The following NUTM1 variants were observed in gnomAD, a reference collection of about 807,000 sequenced individuals.
The protein encoded by NUTM1 is NUT family member 1.
Under a neutral mutation model 88.7 loss-of-function variants are expected in NUTM1, and 39 were observed. That is an observed-to-expected ratio of 0.44 (90% CI 0.34 to 0.57). The LOEUF is 0.57. Among genes scored for constraint, NUTM1 ranks in the 20% least tolerant of loss-of-function variants. The pLI is 0.01. For missense variants in NUTM1, 1,350 were observed against 1,414.5 expected, an observed-to-expected ratio of 0.95 and a Z score of 0.73; for synonymous variants, 494 against 538.0, an observed-to-expected ratio of 0.92 and a Z score of 1.13.
intron 1 of NUTM1, among the ~76,000 whole-genome samples, chr15:34,345,444 C>T (rs1213239985): frequency 6.6e-6 from 1 of 152,162 alleles, no homozygotes; most frequent in Non-Finnish European, 1.5e-5. Context: ...AATCGAGCAC[C>T]TTGGATCATC....
chr15:34,349,477 A>C (rs1022190266), intron 3 of NUTM1, among the ~76,000 whole-genome samples: 1 of 152,226 alleles, frequency 6.6e-6, no homozygotes, highest in African/African-American at 2.4e-5. Flanking sequence ...CAAAAGGTCA[A>C]AACGTCCTTG....
intron 3 of NUTM1, among the ~76,000 whole-genome samples, chr15:34,350,004 G>C (rs1401476400): frequency 6.6e-6 from 1 of 152,166 alleles, no homozygotes; most frequent in South Asian, 2.1e-4. Flanking sequence ...CTCCTAAAAT[G>C]CTCAGTTGTG....
intron 3 of NUTM1, among the ~76,000 whole-genome samples, chr15:34,349,021 C>G (rs187356362): frequency 8.5e-5 from 13 of 152,268 alleles, no homozygotes; most frequent in African/African-American, 2.9e-4. Flanking sequence ...GTCCTCCCCC[C>G]GTTCTATTTT....
At position 34,355,275 on chromosome 15, in the gene NUTM1, G is replaced by T; in HGVS notation, c.1479+138G>T. The T allele has an allele frequency of 1.3e-6, 1 of 748,874 alleles. No individual in the cohort carries two copies. The allele number at this position is 748,874 out of a possible 1,614,324, so 46.4% of individuals were successfully genotyped here. ...CAGGTGCAGAACGAGTAGGTAGAGG[G>T]CTATGGAAACACAGGAAATGAGAAT... On this transcript the variant is annotated intron_variant, in intron 7 of 7. Coordinates refer to ENST00000537011, the MANE Select transcript of NUTM1 (RefSeq NM_001284292.2). This position sits in a 1 kb window ranked among gnomAD's most constrained non-coding sequence, Gnocchi z 4.3.
Position 34,355,015 on chromosome 15 carries a change from A to G in NUTM1, c.1363-6A>G, listed in dbSNP as rs1353228970. ...GACTTACATCGCTTTTCCTTCTGTT[A>G]TCCAGGTGGAGGCTGTCATTCACCC... On this transcript the variant is annotated splice_region_variant and splice_polypyrimidine_tract_variant and intron_variant, in intron 6 of 7. Transcript: ENST00000537011. The surrounding 1 kb of genome is among the most constrained non-coding windows in gnomAD (Gnocchi z 4.3). 2 of 1,601,010 alleles carry G rather than the reference A, an allele frequency of 1.2e-6. No homozygotes were observed. Among genetic ancestry groups the G allele is most frequent in the Non-Finnish European group, 8.6e-7 (1 of 1,168,432 alleles).
rs760192719 is a variant in NUTM1, at chr15:34,356,348, A to T, written c.2340A>T (p.Val780=). The T allele has an allele frequency of 6.2e-7, 1 of 1,613,912 alleles. No homozygotes were observed. Among genetic ancestry groups the T allele is most frequent in the Non-Finnish European group, 8.5e-7 (1 of 1,179,950 alleles). ...AGAGCTTCCAAGTTGAGAAGTGTGT[A>T]ACTGAGTATCAGGAAGGCTGCCAGG... is the stretch of plus-strand genomic sequence containing the variant. ...VIESFQVEKC[V]TEYQEGCQGL... is the part of the protein sequence containing the mutation. The change falls in exon 8 of 8, where the codon GTA becomes GTT. Residue 780 remains valine (V), a synonymous_variant. Coordinates refer to ENST00000537011, the MANE Select transcript of NUTM1 (RefSeq NM_001284292.2).
chr15:34,356,092 G>A lies in NUTM1; in HGVS notation c.2084G>A (p.Arg695His), dbSNP rs150578599. The change falls in exon 8 of 8, where the codon CGT becomes CAT. Residue 695 changes from arginine to histidine, a missense_variant. Around this residue, in one of 5 missense-constraint regions of NUTM1, gnomAD observed 730 missense variants for 728.8 expected, o/e 1.00. Coordinates refer to ENST00000537011, the MANE Select transcript of NUTM1 (RefSeq NM_001284292.2). ...GLQKGQQTGG[R>H]GVLPQGKEPL... ...CAGAAAGGACAACAAACAGGGGGTC[G>A]TGGAGTGCTTCCTCAAGGGAAGGAG... 183 of 1,613,576 alleles carry A rather than the reference G, an allele frequency of 1.1e-4. No homozygotes were observed. The highest frequency in any genetic ancestry group is 1.5e-4 in the Non-Finnish European group (178 of 1,179,658).
chr15:34,352,666 C>T (rs1890730140), intron 4 of NUTM1, among the ~76,000 whole-genome samples: 3 of 145,782 alleles, frequency 2.1e-5, no homozygotes, highest in South Asian at 2.2e-4. Flanking sequence ...AAAAGCCAGG[C>T]GTGGTGGCAC....
chr15:34,356,490 A>C lies in NUTM1; in HGVS notation c.2482A>C (p.Arg828=). 2 of 1,613,954 alleles carry C rather than the reference A, an allele frequency of 1.2e-6. No homozygotes were observed. The highest frequency in any genetic ancestry group is 1.7e-6 in the Non-Finnish European group (2 of 1,179,934). ...GTVAAAALEK[R]NYCSLPGPLR... ...AGTTGCGGCAGCTGCCCTAGAAAAG[A>C]GAAACTATTGCAGCTTGCCAGGACC... Residue 828 remains arginine, a synonymous_variant, in exon 8 of 8, where the codon AGA becomes CGA. Transcript: ENST00000537011.
rs1233210119 is a variant in NUTM1, at chr15:34,343,512, C to T, written c.-185C>T. ...AAGAAAGAAGAGGTTTTCTTCCCTC[C>T]CCTCTTTTACATCCAGTTCCCCTGC... On this transcript the variant is annotated 5_prime_UTR_variant, in exon 1 of 8. Coordinates refer to ENST00000537011, the MANE Select transcript of NUTM1 (RefSeq NM_001284292.2). 1.5e-6 allele frequency: 2 copies of T among 1,366,092 alleles called. No homozygotes were observed. The highest frequency in any genetic ancestry group is 2.9e-5 in the African/African-American group (2 of 68,984). 84.6% of individuals were successfully genotyped at this position (1,366,092 alleles called of 1,614,324 possible). A position where few individuals can be genotyped will look rare whatever the true frequency, so the allele number is the denominator to read the frequency against.
At chr15:34,353,087 A>G (rs1890738893) in intron 4 of NUTM1, among the ~76,000 whole-genome samples, 1 of 151,564 alleles carries the variant, frequency 6.6e-6, no homozygotes, top group Admixed American at 6.6e-5. Context: ...GGGTTTCACT[A>G]TGTTGGCCAG....
At position 34,357,283 on chromosome 15, in the gene NUTM1, A is replaced by G. The variant is rs375152759; in HGVS notation, c.3275A>G (p.Lys1092Arg). 10 of 1,613,964 alleles carry G rather than the reference A, an allele frequency of 6.2e-6. No individual in the cohort carries two copies. The African/African-American group carries it at 1.2e-4, about 19-fold the overall frequency. ...LLPAGAKGPS[K>R]LPYPVAKSGK... ...CCTGCTGGAGCAAAAGGCCCCAGCA[A>G]ACTTCCATATCCTGTTGCCAAGTCT... The change falls in exon 8 of 8, where the codon AAA (lysine) becomes AGA (arginine). Residue 1092 changes from lysine (K) to arginine (R), a missense_variant. Lys to Arg is a conservative substitution (Grantham distance 26). This residue lies in a region of NUTM1 where 730 missense variants were observed against 728.8 expected (regional missense o/e 1.00). Coordinates refer to ENST00000537011, the MANE Select transcript of NUTM1 (RefSeq NM_001284292.2).
At chr15:34,347,280 CAG>C (rs1377926566) in intron 2 of NUTM1, among the ~76,000 whole-genome samples, 4 of 148,092 alleles carry the variant, frequency 2.7e-5, no homozygotes, top group African/African-American at 4.9e-5. Context: ...TTTTTTGAGA[CAG>C]AGTTTTCCTT....
chr15:34,348,399 T>C lies in NUTM1; in HGVS notation c.531T>C (p.Gly177=), dbSNP rs1260566874. The change falls in exon 3 of 8, where the codon GGT becomes GGC. Residue 177 remains glycine, a synonymous_variant. Transcript: ENST00000537011. ...CCATTCTGCCCTCTAAGGCTGTTGG[T>C]GTCAGCCAGGAGGGTCCTCCAGGCC... is the stretch of plus-strand genomic sequence containing the variant. ...VKTILPSKAV[G]VSQEGPPGLP... The C allele has an allele frequency of 6.2e-7, 1 of 1,614,112 alleles. No individual in the cohort carries two copies. The highest frequency in any genetic ancestry group is 8.5e-7 in the Non-Finnish European group (1 of 1,180,046).
rs750257590 is a variant in NUTM1, at chr15:34,347,966, C to T, written c.101-3C>T. The T allele has an allele frequency of 6.8e-5, 108 of 1,585,138 alleles. 1 individual carries two copies. The Middle Eastern group carries it at 1.7e-3, about 25-fold the overall frequency. ...CATTTCTTCTTTTTCTTTGTCTCAA[C>T]AGCATCTGCATTGCCGGGACCGGAT... On this transcript the variant is annotated splice_polypyrimidine_tract_variant and splice_region_variant and intron_variant, in intron 2 of 7. Coordinates refer to ENST00000537011, the MANE Select transcript of NUTM1 (RefSeq NM_001284292.2).
rs182625273 is a variant in NUTM1 at position 34,355,244 on chromosome 15, G to A, written c.1479+107G>A. The A allele has an allele frequency of 1.7e-4, 142 of 836,780 alleles. No homozygotes were observed. The African/African-American group carries it at 2.1e-3, about 12-fold the overall frequency. 51.8% of individuals were successfully genotyped at this position (836,780 alleles called of 1,614,324 possible). A position where few individuals can be genotyped will look rare whatever the true frequency, so the allele number is the denominator to read the frequency against. ...TCTAGAGATGAACAGCTTCAGGATT[G>A]GGCTTCAGGTGCAGAACGAGTAGGT... On this transcript the variant is annotated intron_variant, in intron 7 of 7. Coordinates refer to ENST00000537011, the MANE Select transcript of NUTM1 (RefSeq NM_001284292.2). This position sits in a 1 kb window ranked among gnomAD's most constrained non-coding sequence, Gnocchi z 4.3.
intron 3 of NUTM1, among the ~76,000 whole-genome samples, chr15:34,349,465 C>T (rs143223342): frequency 3.2e-4 from 49 of 152,294 alleles, no homozygotes; most frequent in African/African-American, 1.0e-3. Context: ...GAAAAGAACT[C>T]GCAAAAGGTC....
intron 2 of NUTM1, among the ~76,000 whole-genome samples, chr15:34,347,262 CT>C (rs55955824): frequency 6.4e-4 from 92 of 144,746 alleles, no homozygotes; most frequent in Admixed American, 6.2e-4. Flanking sequence ...TACAATTTTT[CT>C]TTTTTTTTTT....
chr15:34,346,064 C>G (rs755419089), intron 2 of NUTM1, 29 bp downstream of exon 2: 1 of 1,606,314 alleles, frequency 6.2e-7, no homozygotes, highest in African/African-American at 1.3e-5. Context: ...AGGAGGATTT[C>G]TGGTACCTGC....
Sources: gnomAD v4.1 joint callset for allele counts (sites outside exome capture counted in the v4.1 genomes callset) on GRCh38, gnomAD v4.1.1 for gene constraint, gnomAD v4.1.1 regional missense constraint, Gnocchi (gnomAD v3.1) non-coding constraint, MANE v1.5 for transcripts, NCBI Gene and HGNC (gene_info 2026-07-23, HGNC 2026-07-21) for gene names.